Variants in GRK4 observed in about 807,000 individuals in gnomAD.
The protein encoded by GRK4 is G protein-coupled receptor kinase 4.
GRK4 carries 73 observed loss-of-function variants against 77.9 expected under a neutral mutation model. That is an observed-to-expected ratio of 0.94 (90% CI 0.78 to 1.14). The LOEUF is 1.14. Among genes scored for constraint, GRK4 ranks in the 50% most tolerant of loss-of-function variants. The pLI, the probability that GRK4 is intolerant of heterozygous loss-of-function variation, is 0.00. For synonymous variants in GRK4, 257 were observed against 254.4 expected, an observed-to-expected ratio of 1.01 and a Z score of -0.10; for missense variants, 729 against 700.2, an observed-to-expected ratio of 1.04 and a Z score of -0.46.
At chr4:3,029,772 G>A (rs1248526551) in intron 12 of GRK4, among the ~76,000 whole-genome samples, 6 of 152,132 alleles carry the variant, frequency 3.9e-5, no homozygotes, top group Non-Finnish European at 7.4e-5. Flanking sequence ...TCTTGGCCCA[G>A]CAGGGAGGAC....
At chr4:3,012,206 TA>T (rs1325790279) in intron 7 of GRK4, among the ~76,000 whole-genome samples, 4 of 152,344 alleles carry the variant, frequency 2.6e-5, no homozygotes, top group African/African-American at 9.6e-5. Context: ...TGCCAAGTCT[TA>T]ATGGTAAGAA....
At chr4:3,009,031 A>AACATACATATTT (rs1157288418) in intron 6 of GRK4, among the ~76,000 whole-genome samples, 1 of 152,300 alleles carries the variant, frequency 6.6e-6, no homozygotes, top group East Asian at 1.9e-4. Context: ...AGGAGTTATG[A>AACATACATATTT]ACATACATAT....
At chr4:2,974,175 A>G (rs1165100440) in intron 1 of GRK4, among the ~76,000 whole-genome samples, 1 of 151,460 alleles carries the variant, frequency 6.6e-6, no homozygotes, top group African/African-American at 2.4e-5. Flanking sequence ...TTCTTCCTTT[A>G]TTTTTTCCCA....
chr4:3,013,870 C>A, intron 8 of GRK4, 42 bp downstream of exon 8: 1 of 1,548,758 alleles, frequency 6.5e-7, no homozygotes, highest in South Asian at 1.3e-5. Flanking sequence ...TTGTTTGATT[C>A]ATAGCACTTT....
intron 12 of GRK4, 93 bp from the exon 13 acceptor site, chr4:3,035,293 C>G: frequency 2.3e-6 from 3 of 1,280,120 alleles, no homozygotes; most frequent in Non-Finnish European, 2.3e-6. Flanking sequence ...CTGCTCTGCC[C>G]TCCCGAGTCC....
chr4:2,998,540 A>G (rs1728630236), intron 4 of GRK4, among the ~76,000 whole-genome samples: 1 of 152,130 alleles, frequency 6.6e-6, no homozygotes, highest in Admixed American at 6.6e-5. Context: ...ACTATACAAA[A>G]TTTAATTGTA....
intron 4 of GRK4, among the ~76,000 whole-genome samples, chr4:3,003,543 G>A (rs1019025724): frequency 1.3e-5 from 2 of 151,922 alleles, no homozygotes; most frequent in African/African-American, 4.8e-5. Flanking sequence ...CCAAGTTGTA[G>A]CGTATTTCAG....
chr4:3,001,537 T>C (rs982448734), intron 4 of GRK4, among the ~76,000 whole-genome samples: 6 of 151,826 alleles, frequency 4.0e-5, no homozygotes, highest in Admixed American at 3.3e-4. Context: ...CAGCTAAATT[T>C]TTGTATTTTT....
intron 1 of GRK4, among the ~76,000 whole-genome samples, chr4:2,978,932 GA>G (rs1410537908): frequency 4.0e-5 from 6 of 151,344 alleles, no homozygotes; most frequent in Admixed American, 2.6e-4. Flanking sequence ...GTCTCTTACT[GA>G]AAATACACAA....
rs1462480168 is a variant in GRK4, at chr4:2,997,364, G to A, written c.339+5072G>A. Among the ~76,000 whole-genome samples the A allele has an allele frequency of 1.3e-5, 2 of 152,230 alleles. 1 individual carries two copies. The highest frequency in any genetic ancestry group is 4.1e-4 in the South Asian group (2 of 4,824). ...CTTAATAAAAATAGAAAAAGTATTT[G>A]ATAAAATCCACACCCCTTCGTGATA... On this transcript the variant is annotated intron_variant, in intron 4 of 15. Coordinates refer to ENST00000398052, the MANE Select transcript of GRK4 (RefSeq NM_182982.3).
chr4:3,019,875 G>T (rs773968907), intron 9 of GRK4, 44 bp downstream of exon 9: 3 of 1,555,852 alleles, frequency 1.9e-6, no homozygotes, highest in African/African-American at 2.7e-5. Context: ...TCTTGGAGCC[G>T]GTTTCTCCCA....
chr4:3,029,483 C>CA lies in GRK4; in HGVS notation c.1269+82dup, dbSNP rs974779549. The CA allele has an allele frequency of 5.3e-5, 71 of 1,337,826 alleles. 1 individual carries two copies. The East Asian group carries it at 5.4e-4, about 10-fold the overall frequency. The allele number at this position is 1,337,826 out of a possible 1,614,324, so 82.9% of individuals were successfully genotyped here. A position where few individuals can be genotyped will look rare whatever the true frequency, so the allele number is the denominator to read the frequency against. On this transcript the variant is annotated intron_variant, in intron 12 of 15. Coordinates refer to ENST00000398052, the MANE Select transcript of GRK4 (RefSeq NM_182982.3). Reference sequence around the variant, plus strand: ...TAGTTGTTTTCACTGGCAGCTATAACAAAAAAAATTGGTCTGTCATCTTCA... The same window carrying CA: ...TAGTTGTTTTCACTGGCAGCTATAACAAAAAAAAATTGGTCTGTCATCTTCA...
At chr4:3,039,282 G>A (rs1741732003) in intron 15 of GRK4, among the ~76,000 whole-genome samples, 1 of 152,200 alleles carries the variant, frequency 6.6e-6, no homozygotes, top group African/African-American at 2.4e-5. Flanking sequence ...ATGTAGACAA[G>A]CCTTTTTTCC....
chr4:3,011,607 G>A (rs1231061660), intron 7 of GRK4, among the ~76,000 whole-genome samples: 2 of 152,182 alleles, frequency 1.3e-5, no homozygotes, highest in African/African-American at 2.4e-5. Flanking sequence ...AAGGCCCAGA[G>A]GCAGTGAGCA....
chr4:3,001,474 C>T (rs12504022), intron 4 of GRK4, among the ~76,000 whole-genome samples: 66,534 of 150,466 alleles, frequency 0.44, 15,498 homozygotes, highest in African/African-American at 0.57. Context: ...TCAAGTGATT[C>T]CCCTGCCTCA....
In GRK4 at chr4:2,971,516, G is replaced by C. The variant is rs1314348141; in HGVS notation, c.52+7394G>C. Among the ~76,000 whole-genome samples, 4 of 152,156 alleles carry C rather than the reference G, an allele frequency of 2.6e-5. No homozygotes were observed. The East Asian group carries it at 7.7e-4, about 29-fold the overall frequency. The stretch of plus-strand genomic sequence containing the variant: ...TAAGGATGAGGAAATGAACACGGTA[G>C]GTATGCCTGGATCTGAAGCAGAAGT... On this transcript the variant is annotated intron_variant, in intron 1 of 15. Transcript: ENST00000398052.
At chr4:2,975,690 C>A (rs1327006678) in intron 1 of GRK4, among the ~76,000 whole-genome samples, 1 of 152,212 alleles carries the variant, frequency 6.6e-6, no homozygotes. Context: ...TGCAGACCCA[C>A]TTCTACGGAT....
At chr4:3,020,603 G>A (rs1390739470) in intron 9 of GRK4, among the ~76,000 whole-genome samples, 2 of 152,078 alleles carry the variant, frequency 1.3e-5, no homozygotes, top group Admixed American at 6.5e-5. Flanking sequence ...TCCCCCTCCT[G>A]TCCCTTAAAT....
rs180926782 is a variant in GRK4 at position 3,033,949 on chromosome 4, C to T, written c.1270-1437C>T. On this transcript the variant is annotated intron_variant, in intron 12 of 15. Transcript: ENST00000398052. Reference sequence around the variant, plus strand: ...AACGCATTGAGCAACTGTTACTGAGCGCCTGCTCTGGCTAGGTGCTGGGGT... The same window carrying T: ...AACGCATTGAGCAACTGTTACTGAGTGCCTGCTCTGGCTAGGTGCTGGGGT... Among the ~76,000 whole-genome samples the T allele has an allele frequency of 5.8e-4, 88 of 152,346 alleles. No homozygotes were observed. In the South Asian group the frequency reaches 7.4e-3, roughly 13 times the overall value.
Sources: gnomAD v4.1 joint callset for allele counts (sites outside exome capture counted in the v4.1 genomes callset) on GRCh38, gnomAD v4.1.1 for gene constraint, MANE v1.5 for transcripts, NCBI Gene and HGNC (gene_info 2026-07-23, HGNC 2026-07-21) for gene names.